Variants in SH3RF3 observed in about 807,000 individuals in gnomAD.
SH3RF3 encodes the protein E3 ubiquitin-protein ligase SH3RF3.
In SH3RF3, 29 loss-of-function variants were observed where a neutral mutation model predicts 66.3. That is an observed-to-expected ratio of 0.44 (90% CI 0.33 to 0.60). SH3RF3 has a LOEUF of 0.60. SH3RF3 is among the 20% of genes least tolerant of loss of function. The pLI is 0.04. For synonymous variants in SH3RF3, 583 were observed against 532.0 expected, an observed-to-expected ratio of 1.10 and a Z score of -1.32; for missense variants, 1,194 against 1,190.9, an observed-to-expected ratio of 1.00 and a Z score of -0.04.
At chr2:109,249,473 CTT>C (rs201188763) in intron 1 of SH3RF3, among the ~76,000 whole-genome samples, 948 of 19,186 alleles carry the variant, frequency 0.049, 6 homozygotes, top group African/African-American at 0.11. Context: ...CTTTCTCTTT[CTT>C]TCTTTCTTTC....
At chr2:109,164,792 G>A (rs1404215014) in intron 1 of SH3RF3, among the ~76,000 whole-genome samples, 1 of 152,134 alleles carries the variant, frequency 6.6e-6, no homozygotes, top group East Asian at 1.9e-4. Context: ...GGCAAAAACT[G>A]CCACTGGCAC....
intron 1 of SH3RF3, among the ~76,000 whole-genome samples, chr2:109,272,867 G>A (rs993786126): frequency 2.0e-5 from 3 of 152,278 alleles, no homozygotes; most frequent in East Asian, 3.9e-4. Context: ...GTCGGCAAAC[G>A]TTCTCTAACA....
At chr2:109,489,724 A>T (rs1362126483) in intron 8 of SH3RF3, among the ~76,000 whole-genome samples, 1 of 120,712 alleles carries the variant, frequency 8.3e-6, no homozygotes, top group Non-Finnish European at 1.6e-5. Context: ...CAAGTGTCGG[A>T]CAAGGTTTTT....
chr2:109,413,124 A>G (rs1676638571), intron 4 of SH3RF3, among the ~76,000 whole-genome samples: 1 of 152,118 alleles, frequency 6.6e-6, no homozygotes, highest in South Asian at 2.1e-4. Flanking sequence ...TTTTATATAT[A>G]TATTTTTTGA....
intron 1 of SH3RF3, among the ~76,000 whole-genome samples, chr2:109,220,972 T>C (rs764520047): frequency 4.6e-5 from 7 of 152,238 alleles, no homozygotes; most frequent in Non-Finnish European, 8.8e-5. Context: ...TGTACACCAA[T>C]GTTCATAATT....
At chr2:109,324,993 G>T (rs1205039294) in intron 1 of SH3RF3, among the ~76,000 whole-genome samples, 1 of 152,202 alleles carries the variant, frequency 6.6e-6, no homozygotes, top group African/African-American at 2.4e-5. Flanking sequence ...GGAAAAGTTT[G>T]TTCTGGGAGA....
intron 1 of SH3RF3, among the ~76,000 whole-genome samples, chr2:109,179,326 C>T (rs1381302820): frequency 6.6e-6 from 1 of 152,166 alleles, no homozygotes; most frequent in Non-Finnish European, 1.5e-5. Context: ...TTCAGAGCTG[C>T]TGACAGTGAG....
At chr2:109,435,774 TA>T (rs1677381976) in intron 6 of SH3RF3, among the ~76,000 whole-genome samples, 1 of 152,228 alleles carries the variant, frequency 6.6e-6, no homozygotes, top group Admixed American at 6.5e-5. Flanking sequence ...ATTTAGTTTT[TA>T]AAAATGATTT....
intron 1 of SH3RF3, among the ~76,000 whole-genome samples, chr2:109,251,926 A>T (rs1476898633): frequency 1.3e-5 from 2 of 152,142 alleles, no homozygotes; most frequent in Non-Finnish European, 1.5e-5. Flanking sequence ...TTAAATCGGC[A>T]AAAGTACCCC....
intron 2 of SH3RF3, among the ~76,000 whole-genome samples, chr2:109,358,277 A>T (rs185005030): frequency 1.5e-3 from 231 of 152,184 alleles, no homozygotes; most frequent in Non-Finnish European, 2.6e-3. Flanking sequence ...GATGTACCAC[A>T]GTTTGTTTAT....
intron 7 of SH3RF3, 138 bp from the exon 8 acceptor site, chr2:109,449,032 A>G (rs1186396246): frequency 1.0e-5 from 10 of 1,001,250 alleles, no homozygotes; most frequent in Non-Finnish European, 1.4e-5. Flanking sequence ...TGAAGAGGCC[A>G]GGTCTGTCTG....
At chr2:109,231,264 C>T (rs1268808505) in intron 1 of SH3RF3, among the ~76,000 whole-genome samples, 2 of 152,234 alleles carry the variant, frequency 1.3e-5, no homozygotes, top group African/African-American at 4.8e-5. Context: ...CTTTCTTCTA[C>T]AGCTGAGAGG....
At chr2:109,229,533 T>C (rs1388079757) in intron 1 of SH3RF3, among the ~76,000 whole-genome samples, 1 of 152,070 alleles carries the variant, frequency 6.6e-6, no homozygotes, top group Non-Finnish European at 1.5e-5. Context: ...GAGAGCCCGA[T>C]ACGGGAGGGA....
At chr2:109,474,165 G>A (rs1678610227) in intron 8 of SH3RF3, among the ~76,000 whole-genome samples, 1 of 152,198 alleles carries the variant, frequency 6.6e-6, no homozygotes, top group African/African-American at 2.4e-5. Context: ...GGCCGCACCT[G>A]CGTAAGAGCA....
intron 1 of SH3RF3, among the ~76,000 whole-genome samples, chr2:109,263,111 G>T (rs963706300): frequency 4.6e-5 from 7 of 152,280 alleles, no homozygotes; most frequent in African/African-American, 1.4e-4. Flanking sequence ...CTCCCAAAGG[G>T]CTGGGATTAT....
At chr2:109,420,127 A>T (rs957992716) in intron 5 of SH3RF3, among the ~76,000 whole-genome samples, 1 of 152,250 alleles carries the variant, frequency 6.6e-6, no homozygotes, top group African/African-American at 2.4e-5. Context: ...ATATAACCAG[A>T]TGAATCAGTG....
chr2:109,408,928 C>T (rs1676519335), intron 4 of SH3RF3, among the ~76,000 whole-genome samples: 1 of 152,182 alleles, frequency 6.6e-6, no homozygotes. Flanking sequence ...AGGCCATGAG[C>T]GGAGGCCATC....
At position 109,450,875 on chromosome 2, in the gene SH3RF3, T is replaced by C. The variant is rs560617247; in HGVS notation, c.2148+1386T>C. ...GATTCTGCAGATCTTTTGACATCTT[T>C]CCATATAAAATTAGTCTTTGGATCA... On this transcript the variant is annotated intron_variant, in intron 8 of 9. Transcript: ENST00000309415. Among the ~76,000 whole-genome samples the C allele has an allele frequency of 3.3e-5, 5 of 152,352 alleles. No individual in the cohort carries two copies. The East Asian group carries it at 9.7e-4, about 29-fold the overall frequency.
intron 3 of SH3RF3, among the ~76,000 whole-genome samples, chr2:109,378,857 C>A (rs1432510298): frequency 6.6e-6 from 1 of 152,196 alleles, no homozygotes; most frequent in Non-Finnish European, 1.5e-5. Context: ...GTTCTTTCCC[C>A]AGTGCTGGAT....
Sources: allele counts gnomAD v4.1 joint callset (sites outside exome capture counted in the v4.1 genomes callset), GRCh38; gene constraint gnomAD v4.1.1; transcripts MANE v1.5; gene names NCBI Gene and HGNC (gene_info 2026-07-23, HGNC 2026-07-21).